TBXAS1: variants seen among roughly 807,000 people sequenced by gnomAD.
TBXAS1 encodes the protein thromboxane-A synthase.
A neutral mutation model predicts 60.7 loss-of-function variants in TBXAS1; 48 were observed. That is an observed-to-expected ratio of 0.79 (90% CI 0.63 to 1.01). TBXAS1 has a LOEUF of 1.01. Among genes scored for constraint, TBXAS1 ranks in the 50% least tolerant of loss-of-function variants. The pLI is 0.00. For synonymous variants in TBXAS1, 287 were observed against 269.7 expected (o/e 1.06, Z -0.63); for missense variants, 685 against 686.3 (o/e 1.00, Z 0.02).
intron 9 of TBXAS1, among the ~76,000 whole-genome samples, chr7:140,000,145 G>A (rs539682742): frequency 2.0e-5 from 3 of 152,210 alleles, no homozygotes; most frequent in East Asian, 3.9e-4. Context: ...AGGATTTATC[G>A]ATAGATTGCC....
At chr7:139,786,051 G>T (rs923212703) in intron 3 of TBXAS1, among the ~76,000 whole-genome samples, 2 of 139,634 alleles carry the variant, frequency 1.4e-5, no homozygotes, top group African/African-American at 5.3e-5. Flanking sequence ...GTATTAGAGG[G>T]TTTTTTTTTT....
chr7:139,846,504 G>C (rs753764518), intron 1 of TBXAS1, among the ~76,000 whole-genome samples: 1 of 152,132 alleles, frequency 6.6e-6, no homozygotes, highest in Non-Finnish European at 1.5e-5. Flanking sequence ...CACAGCTCAG[G>C]GTCAATAAAC....
intron 3 of TBXAS1, among the ~76,000 whole-genome samples, chr7:139,878,900 G>A (rs923012768): frequency 3.3e-5 from 5 of 152,088 alleles, no homozygotes; most frequent in Non-Finnish European, 5.9e-5. Context: ...TGTTGATGCC[G>A]TGTAGAGATG....
At chr7:139,800,215 A>G (rs1307812288) in intron 4 of TBXAS1, among the ~76,000 whole-genome samples, 2 of 152,144 alleles carry the variant, frequency 1.3e-5, no homozygotes, top group African/African-American at 4.8e-5. Context: ...TAAAAATGCA[A>G]ATCAGGTTGT....
At position 140,004,850 on chromosome 7, in the gene TBXAS1, G is replaced by A. The variant is rs1813940819; in HGVS notation, c.1135-2241G>A. ...GTGGGCAGAGGTTTGCCCCCATCGAGAAACAGCCTCCGGCCGGCCCCGCCA... is the reference window on the plus strand; with the variant it reads ...GTGGGCAGAGGTTTGCCCCCATCGAAAAACAGCCTCCGGCCGGCCCCGCCA... On this transcript the variant is annotated intron_variant, in intron 9 of 12. Coordinates refer to ENST00000448866, the MANE Select transcript of TBXAS1 (RefSeq NM_001061.7). This position sits in a 1 kb window ranked among gnomAD's most constrained non-coding sequence, Gnocchi z 5.1. Among the ~76,000 whole-genome samples the A allele has an allele frequency of 1.3e-5, 2 of 152,210 alleles. No homozygotes were observed. Among genetic ancestry groups the A allele is most frequent in the Non-Finnish European group, 2.9e-5 (2 of 68,036 alleles).
intron 4 of TBXAS1, among the ~76,000 whole-genome samples, chr7:139,931,375 A>T (rs1807317399): frequency 6.6e-6 from 1 of 152,234 alleles, no homozygotes; most frequent in Non-Finnish European, 1.5e-5. Flanking sequence ...TCCTTTCTGC[A>T]GAGTCCCCTT....
intron 1 of TBXAS1, among the ~76,000 whole-genome samples, chr7:139,842,494 A>T (rs901345720): frequency 2.6e-5 from 4 of 152,236 alleles, no homozygotes; most frequent in African/African-American, 9.6e-5. Context: ...TGGTAGCCTT[A>T]TATGGACTTG....
chr7:139,903,079 A>G (rs895039315), intron 3 of TBXAS1, among the ~76,000 whole-genome samples: 4 of 151,938 alleles, frequency 2.6e-5, no homozygotes, highest in African/African-American at 9.7e-5. Context: ...TGTGTCTTTT[A>G]TCCCTCACCC....
At chr7:139,891,236 AAT>A (rs556112739) in intron 3 of TBXAS1, among the ~76,000 whole-genome samples, 2 of 149,852 alleles carry the variant, frequency 1.3e-5, no homozygotes, top group African/African-American at 4.9e-5. Context: ...CTATGATTAT[AAT>A]ATATATATAT....
In TBXAS1 at chr7:139,778,766, C is replaced by T. The variant is rs1172840337; in HGVS notation, c.-318+295C>T. Among the ~76,000 whole-genome samples the T allele has an allele frequency of 1.3e-5, 2 of 152,160 alleles. No individual in the cohort carries two copies. The highest frequency in any genetic ancestry group is 2.9e-5 in the Non-Finnish European group (2 of 68,030). ...CGCTTTTCTCAGCGCTCTCTCCTAT[C>T]AGGGCTTCCGCTAAACACTCTCCAG... On this transcript the variant is annotated intron_variant, in intron 1 of 16. Transcript: ENST00000336425. This position sits in a 1 kb window ranked among gnomAD's most constrained non-coding sequence, Gnocchi z 4.8.
chr7:139,822,613 T>G (rs754429932), intron 4 of TBXAS1, among the ~76,000 whole-genome samples: 6 of 152,234 alleles, frequency 3.9e-5, no homozygotes, highest in South Asian at 2.1e-4. Context: ...CTTGCTTCCT[T>G]CCCCGAGTCC....
At chr7:139,834,767 C>A (rs370041305) in intron 1 of TBXAS1, among the ~76,000 whole-genome samples, 3 of 152,042 alleles carry the variant, frequency 2.0e-5, no homozygotes, top group South Asian at 2.1e-4. Flanking sequence ...TAGCTTAAAT[C>A]AGGAAGCATT....
chr7:139,989,341 T>C (rs114062036), intron 9 of TBXAS1, among the ~76,000 whole-genome samples: 2,714 of 152,300 alleles, frequency 0.018, 78 homozygotes, highest in African/African-American at 0.062. Context: ...GCAAGGGTCA[T>C]GGCCACTTCC....
rs1798354122 is a variant in TBXAS1, at chr7:139,823,510, GC to G, written c.-79-5798del. ...GCCAAGGTTTTCATGCTTCCAAAGG[GC>G]CCCTAATATCTTTTGTAAGGAGGTG... On this transcript the variant is annotated intron_variant, in intron 4 of 16. Transcript: ENST00000336425. Among the ~76,000 whole-genome samples, 8 of 152,154 alleles carry G rather than the reference GC, an allele frequency of 5.3e-5. No individual in the cohort carries two copies. In the South Asian group the frequency reaches 1.5e-3, roughly 28 times the overall value.
intron 1 of TBXAS1, among the ~76,000 whole-genome samples, chr7:139,845,832 T>G (rs891824851): frequency 4.6e-5 from 7 of 151,392 alleles, no homozygotes; most frequent in East Asian, 1.9e-4. Flanking sequence ...AGTTTTTTTT[T>G]TTTTTTTTTT....
rs992734743 is a variant in TBXAS1 at position 139,814,641 on chromosome 7, T to C, written c.-79-14671T>C. 3.9e-5 allele frequency among the ~76,000 whole-genome samples: 6 copies of C among 152,034 alleles called. No individual in the cohort carries two copies. In the South Asian group the frequency reaches 1.2e-3, roughly 32 times the overall value. On this transcript the variant is annotated intron_variant, in intron 4 of 16. Transcript: ENST00000336425. ...GGCCTTGGGGAAATATGACACAGATTCTAGAGCTGAGCAACAAGACAAAGC... is the reference window on the plus strand; with the variant it reads ...GGCCTTGGGGAAATATGACACAGATCCTAGAGCTGAGCAACAAGACAAAGC...
intron 9 of TBXAS1, among the ~76,000 whole-genome samples, chr7:139,996,205 A>C (rs1456111528): frequency 3.3e-5 from 5 of 150,960 alleles, no homozygotes; most frequent in African/African-American, 1.2e-4. Context: ...GGCCTCAAGC[A>C]ATCCTGCCAC....
At chr7:139,856,569 G>A (rs899991055) in intron 1 of TBXAS1, among the ~76,000 whole-genome samples, 2 of 152,196 alleles carry the variant, frequency 1.3e-5, no homozygotes, top group African/African-American at 4.8e-5. Context: ...TGCAGAGCAG[G>A]GAGGCCAAAT....
chr7:139,908,072 T>C (rs1805245183), intron 3 of TBXAS1, among the ~76,000 whole-genome samples: 1 of 152,090 alleles, frequency 6.6e-6, no homozygotes, highest in Admixed American at 6.5e-5. Flanking sequence ...GTTCGAGGTT[T>C]ATCCATTTTA....
Sources: gnomAD v4.1 joint callset for allele counts (sites outside exome capture counted in the v4.1 genomes callset) on GRCh38, gnomAD v4.1.1 for gene constraint, Gnocchi (gnomAD v3.1) non-coding constraint, MANE v1.5 for transcripts, NCBI Gene and HGNC (gene_info 2026-07-23, HGNC 2026-07-21) for gene names.